The following TRHDE variants were observed in gnomAD, a reference collection of about 807,000 sequenced individuals.
TRHDE encodes thyrotropin releasing hormone degrading enzyme, also known as thyrotropin-releasing hormone-degrading ectoenzyme.
Under a neutral mutation model 125.7 loss-of-function variants are expected in TRHDE, and 72 were observed. The ratio of observed to expected loss-of-function variants is 0.57; its 90% CI spans 0.47 to 0.70. The LOEUF (loss-of-function observed/expected upper bound fraction) is 0.70. TRHDE is among the 30% of genes least tolerant of loss of function. TRHDE has a pLI of 0.00. For missense variants in TRHDE, 1,110 were observed against 1,327.1 expected (o/e 0.84, Z 2.54); for synonymous variants, 509 against 509.1 (o/e 1.00, Z 0.00).
chr12:72,640,246 G>T (rs901731222), intron 15 of TRHDE, among the ~76,000 whole-genome samples: 6 of 152,186 alleles, frequency 3.9e-5, no homozygotes, highest in Middle Eastern at 3.2e-3. Flanking sequence ...CACAGTATTC[G>T]GGTGGGAGTG....
At chr12:72,211,858 G>T (rs1345163166) in intron 2 of TRHDE, among the ~76,000 whole-genome samples, 1 of 152,118 alleles carries the variant, frequency 6.6e-6, no homozygotes, top group Non-Finnish European at 1.5e-5. Context: ...TCATTTGATT[G>T]TCACAAGTAC....
At chr12:72,532,238 G>A (rs1031167147) in intron 6 of TRHDE, among the ~76,000 whole-genome samples, 2 of 151,626 alleles carry the variant, frequency 1.3e-5, no homozygotes, top group Non-Finnish European at 2.9e-5. Flanking sequence ...TTCAATTTTA[G>A]TAACACATAT....
At chr12:72,485,718 C>T (rs888337052) in intron 5 of TRHDE, among the ~76,000 whole-genome samples, 12 of 152,138 alleles carry the variant, frequency 7.9e-5, no homozygotes, top group African/African-American at 2.7e-4. Context: ...CTCTGTTGAC[C>T]CATGTAGCCA....
chr12:72,512,655 A>T (rs1273284486), intron 6 of TRHDE, among the ~76,000 whole-genome samples: 3 of 143,822 alleles, frequency 2.1e-5, no homozygotes, highest in Admixed American at 1.4e-4. Flanking sequence ...ATCATATATA[A>T]TATATAATAT....
intron 12 of TRHDE, among the ~76,000 whole-genome samples, chr12:72,591,632 G>GTTTTTTTTTTTTT (rs71071842): frequency 8.0e-6 from 1 of 125,428 alleles, no homozygotes; most frequent in African/African-American, 3.2e-5. Flanking sequence ...AAGGATATGG[G>GTTTTTTTTTTTTT]TTTTTTTTTT....
chr12:72,267,415 G>A (rs746297073), upstream of TRHDE, among the ~76,000 whole-genome samples: 2 of 151,996 alleles, frequency 1.3e-5, no homozygotes, highest in South Asian at 4.1e-4. Context: ...GAATTATTTG[G>A]TCATTCTTTT....
At chr12:72,595,623 G>A (rs970397269) in intron 12 of TRHDE, among the ~76,000 whole-genome samples, 2 of 152,024 alleles carry the variant, frequency 1.3e-5, no homozygotes, top group Non-Finnish European at 2.9e-5. Context: ...ATGTGCAGTG[G>A]TTAAGTTCAC....
chr12:72,290,655 T>A (rs1253163201), intron 2 of TRHDE, among the ~76,000 whole-genome samples: 1 of 152,200 alleles, frequency 6.6e-6, no homozygotes, highest in Non-Finnish European at 1.5e-5. Flanking sequence ...TTTGAAGCCA[T>A]CTTTGTCTGG....
At chr12:72,224,091 C>CATCTATCTATCT (rs755241021) in intron 2 of TRHDE, among the ~76,000 whole-genome samples, 7,616 of 49,850 alleles carry the variant, frequency 0.15, 299 homozygotes, top group East Asian at 0.19. Flanking sequence ...TCTATCTATC[C>CATCTATCTATCT]ATCTATCTAT....
At chr12:72,335,926 T>A (rs1338795701) in intron 2 of TRHDE, among the ~76,000 whole-genome samples, 1 of 152,168 alleles carries the variant, frequency 6.6e-6, no homozygotes, top group Admixed American at 6.5e-5. Context: ...GAAATGCTAG[T>A]GAGCAAGTTG....
intron 2 of TRHDE, among the ~76,000 whole-genome samples, chr12:72,294,775 T>C (rs2139439191): frequency 6.6e-6 from 1 of 152,038 alleles, no homozygotes; most frequent in African/African-American, 2.4e-5. Flanking sequence ...TGCCAAGGGG[T>C]ATCTGCAGGC....
At chr12:72,332,541 C>T (rs956591488) in intron 2 of TRHDE, among the ~76,000 whole-genome samples, 1 of 152,190 alleles carries the variant, frequency 6.6e-6, no homozygotes, top group Non-Finnish European at 1.5e-5. Context: ...ATCCAATCAC[C>T]TCCCACCAGG....
chr12:72,121,792 G>A (rs1022547867), intron 2 of TRHDE, among the ~76,000 whole-genome samples: 13 of 150,108 alleles, frequency 8.7e-5, no homozygotes, highest in Non-Finnish European at 1.8e-4. Context: ...ACAATTGGTG[G>A]TGGCTTCTGT....
At chr12:72,301,623 A>C (rs1425948309) in intron 2 of TRHDE, among the ~76,000 whole-genome samples, 1 of 152,196 alleles carries the variant, frequency 6.6e-6, no homozygotes, top group Non-Finnish European at 1.5e-5. Flanking sequence ...AAGTTTCTTA[A>C]CTAGATTTGT....
intron 2 of TRHDE, among the ~76,000 whole-genome samples, chr12:72,375,077 G>A (rs1373360595): frequency 6.6e-6 from 1 of 152,178 alleles, no homozygotes; most frequent in African/African-American, 2.4e-5. Context: ...GAAAAGGCAA[G>A]AGGAGGTTAA....
chr12:72,253,473 TTCTG>T (rs1414884665), intron 2 of TRHDE: 3 of 152,126 alleles, frequency 2.0e-5, no homozygotes, highest in Non-Finnish European at 2.9e-5. Flanking sequence ...GAGAAAAGCA[TTCTG>T]TCTTTCAGCA....
intron 6 of TRHDE, among the ~76,000 whole-genome samples, chr12:72,534,655 C>T (rs2135979353): frequency 6.6e-6 from 1 of 151,954 alleles, no homozygotes; most frequent in Non-Finnish European, 1.5e-5. Flanking sequence ...AACACTGTAC[C>T]AAGTACTTTA....
At chr12:72,233,789 C>A (rs2139375705) in intron 2 of TRHDE, among the ~76,000 whole-genome samples, 1 of 152,200 alleles carries the variant, frequency 6.6e-6, no homozygotes, top group Non-Finnish European at 1.5e-5. Flanking sequence ...CTATTGTTTC[C>A]AAATGCTTGG....
chr12:72,117,018 A>AT (rs980047751), intron 2 of TRHDE, among the ~76,000 whole-genome samples: 2 of 151,522 alleles, frequency 1.3e-5, no homozygotes, highest in East Asian at 1.9e-4. Context: ...ATAGTTTGCA[A>AT]TTTTTTTCTC....
Sources: allele counts gnomAD v4.1 joint callset (sites outside exome capture counted in the v4.1 genomes callset), GRCh38; gene constraint gnomAD v4.1.1; transcripts MANE v1.5; gene names NCBI Gene and HGNC (gene_info 2026-07-23, HGNC 2026-07-21).